The following DLG2 variants were observed in gnomAD, a reference collection of about 807,000 sequenced individuals.
DLG2 encodes disks large homolog 2.
A neutral mutation model predicts 132.5 loss-of-function variants in DLG2; 45 were observed. That is an observed-to-expected ratio of 0.34 (90% confidence interval 0.27 to 0.44). The LOEUF (loss-of-function observed/expected upper bound fraction) is 0.44, where lower values mean the gene tolerates loss of function less well. DLG2 is among the 20% of genes least tolerant of loss of function. The pLI, the probability that DLG2 is intolerant of heterozygous loss-of-function variation, is 1.00. For synonymous variants in DLG2, 424 were observed against 419.6 expected (o/e 1.01, Z -0.13); for missense variants, 1,045 against 1,196.9 (o/e 0.87, Z 1.87).
At chr11:85,092,912 A>G (rs2069029614) in intron 6 of DLG2, among the ~76,000 whole-genome samples, 1 of 152,194 alleles carries the variant, frequency 6.6e-6, no homozygotes, top group South Asian at 2.1e-4. Context: ...AAGTGCTGGG[A>G]TTACAGGCGT....
chr11:83,656,209 A>G (rs973022201), intron 18 of DLG2, among the ~76,000 whole-genome samples: 2 of 152,364 alleles, frequency 1.3e-5, no homozygotes, highest in East Asian at 1.9e-4. Context: ...TCTATTTCCA[A>G]CAAAATCTCA....
intron 6 of DLG2, among the ~76,000 whole-genome samples, chr11:84,974,393 C>T (rs2054569230): frequency 6.6e-6 from 1 of 152,242 alleles, no homozygotes; most frequent in Admixed American, 6.5e-5. Flanking sequence ...TTAATGTGAT[C>T]TTAGGTAATT....
intron 18 of DLG2, among the ~76,000 whole-genome samples, chr11:83,784,500 A>C (rs1397410914): frequency 5.3e-5 from 8 of 152,170 alleles, no homozygotes. Context: ...CTGTGAATCC[A>C]ATCTGTACTT....
At chr11:83,684,695 T>C (rs1194038935) in intron 18 of DLG2, among the ~76,000 whole-genome samples, 3 of 152,134 alleles carry the variant, frequency 2.0e-5, no homozygotes, top group East Asian at 1.9e-4. Flanking sequence ...TATCCACTTA[T>C]TATCTGAAAT....
intron 6 of DLG2, among the ~76,000 whole-genome samples, chr11:84,650,635 T>C (rs1290727236): frequency 6.6e-6 from 1 of 152,002 alleles, no homozygotes; most frequent in East Asian, 1.9e-4. Flanking sequence ...GATCTTGACT[T>C]TGAAGTCAGA....
At chr11:84,691,682 T>C (rs967040788) in intron 6 of DLG2, among the ~76,000 whole-genome samples, 1 of 151,596 alleles carries the variant, frequency 6.6e-6, no homozygotes, top group African/African-American at 2.4e-5. Flanking sequence ...TCAACTATAA[T>C]GGCAACCCAC....
chr11:85,089,182 G>A (rs2068385416), intron 6 of DLG2, among the ~76,000 whole-genome samples: 1 of 151,832 alleles, frequency 6.6e-6, no homozygotes, highest in Non-Finnish European at 1.5e-5. Context: ...TATGTTACAT[G>A]CATATATTGC....
rs779799974 is a variant in DLG2 at position 84,801,224 on chromosome 11, C to T, written c.358-266493G>A. On this transcript the variant is annotated intron_variant, in intron 6 of 27. Transcript: ENST00000376104. ...ACAGCAGCAATTTCAACAAAAGCAG[C>T]CATATTAGTATGTGCCATGCTATAT... Among the ~76,000 whole-genome samples, 65 of 152,134 alleles carry T rather than the reference C, an allele frequency of 4.3e-4. 1 individual carries two copies. The highest frequency in any genetic ancestry group is 2.6e-4 in the Admixed American group (4 of 15,274).
At chr11:85,321,008 C>A (rs569949880) in intron 3 of DLG2, among the ~76,000 whole-genome samples, 18 of 149,844 alleles carry the variant, frequency 1.2e-4, no homozygotes, top group Middle Eastern at 6.8e-3. Context: ...ATGTATGGTC[C>A]AAAAAATAAA....
At chr11:83,638,201 T>C (rs961220101) in intron 18 of DLG2, among the ~76,000 whole-genome samples, 7 of 152,110 alleles carry the variant, frequency 4.6e-5, no homozygotes, top group African/African-American at 1.4e-4. Flanking sequence ...CATTTTTGAG[T>C]ATGTAAAGCC....
intron 4 of DLG2, among the ~76,000 whole-genome samples, chr11:85,188,250 A>G (rs1303320622): frequency 6.6e-6 from 1 of 152,216 alleles, no homozygotes; most frequent in Admixed American, 6.5e-5. Flanking sequence ...TTGGCTGACC[A>G]CTAAGCTATG....
chr11:83,785,936 A>G (rs12278928), intron 18 of DLG2, among the ~76,000 whole-genome samples: 59,806 of 152,056 alleles, frequency 0.39, 12,053 homozygotes, highest in Middle Eastern at 0.6. Context: ...TCTTTTTTTA[A>G]TAACAAGATC....
intron 3 of DLG2, among the ~76,000 whole-genome samples, chr11:85,468,524 T>C (rs894784127): frequency 2.0e-5 from 3 of 152,218 alleles, no homozygotes; most frequent in Admixed American, 6.5e-5. Context: ...TTTGTTCTCA[T>C]TGGTTTCAAA....
intron 15 of DLG2, among the ~76,000 whole-genome samples, chr11:83,888,503 A>G (rs1472278637): frequency 1.3e-5 from 2 of 152,184 alleles, no homozygotes; most frequent in African/African-American, 4.8e-5. Flanking sequence ...AAGAATCAAT[A>G]TTGTGAAAAT....
intron 15 of DLG2, among the ~76,000 whole-genome samples, chr11:83,923,511 C>T (rs1013621912): frequency 1.3e-5 from 2 of 152,024 alleles, no homozygotes; most frequent in South Asian, 2.1e-4. Context: ...ACAAGGGACC[C>T]GATATATTTT....
At chr11:83,854,304 T>G (rs2060192488) in intron 16 of DLG2, among the ~76,000 whole-genome samples, 1 of 152,130 alleles carries the variant, frequency 6.6e-6, no homozygotes. Flanking sequence ...GTTAGTTCTT[T>G]CCAACTTAAT....
At chr11:85,540,741 C>T (rs533251357) in intron 3 of DLG2, among the ~76,000 whole-genome samples, 1 of 152,218 alleles carries the variant, frequency 6.6e-6, no homozygotes, top group Non-Finnish European at 1.5e-5. Flanking sequence ...ACTGGGACTT[C>T]GGGAGCTATA....
chr11:83,479,376 G>A (rs11233631), intron 22 of DLG2, among the ~76,000 whole-genome samples: 29,529 of 80,880 alleles, frequency 0.37, 3,062 homozygotes, highest in Middle Eastern at 0.44. Flanking sequence ...TGCTATAACG[G>A]GGGGGGGAAA....
chr11:84,988,191 G>A (rs1369263239), intron 6 of DLG2, among the ~76,000 whole-genome samples: 1 of 152,132 alleles, frequency 6.6e-6, no homozygotes, highest in South Asian at 2.1e-4. Flanking sequence ...AACACAATTT[G>A]ATACCACCTT....
Sources: allele counts gnomAD v4.1 joint callset (sites outside exome capture counted in the v4.1 genomes callset), GRCh38; gene constraint gnomAD v4.1.1; transcripts MANE v1.5; gene names NCBI Gene and HGNC (gene_info 2026-07-23, HGNC 2026-07-21).